PARD3B: variants seen among roughly 807,000 people sequenced by gnomAD.
The protein encoded by PARD3B is par-3 family cell polarity regulator beta, also known as partitioning defective 3 homolog B.
PARD3B carries 103 observed loss-of-function variants against 130.2 expected under a neutral mutation model. That is an observed-to-expected ratio of 0.79 (90% CI 0.67 to 0.93). PARD3B has a LOEUF of 0.93. Ranked by LOEUF, PARD3B falls within the 40% of genes least tolerant of loss-of-function variation. The pLI, the probability that PARD3B is intolerant of heterozygous loss-of-function variation, is 0.00. For synonymous variants in PARD3B, 583 were observed against 553.2 expected (o/e 1.05, Z -0.76); for missense variants, 1,609 against 1,499.2 (o/e 1.07, Z -1.21).
chr2:205,271,472 G>T (rs2040721313), intron 16 of PARD3B, among the ~76,000 whole-genome samples: 1 of 152,116 alleles, frequency 6.6e-6, no homozygotes, highest in African/African-American at 2.4e-5. Context: ...AAGTAAATAT[G>T]CCATACATAT....
At chr2:204,578,867 A>G (rs1451678195) in intron 1 of PARD3B, among the ~76,000 whole-genome samples, 1 of 152,086 alleles carries the variant, frequency 6.6e-6, no homozygotes, top group Non-Finnish European at 1.5e-5. Context: ...ATCTGGGAAG[A>G]TGAGAGTCAT....
intron 1 of PARD3B, among the ~76,000 whole-genome samples, chr2:204,574,258 A>C (rs899854644): frequency 6.6e-6 from 1 of 152,148 alleles, no homozygotes; most frequent in Non-Finnish European, 1.5e-5. Context: ...CTTTATTATC[A>C]TTTATGTTCT....
intron 2 of PARD3B, among the ~76,000 whole-genome samples, chr2:204,905,732 T>C (rs551548159): frequency 6.6e-6 from 1 of 152,312 alleles, no homozygotes; most frequent in East Asian, 1.9e-4. Context: ...GAGTGGGGGT[T>C]AAATTAGATT....
intron 5 of PARD3B, among the ~76,000 whole-genome samples, chr2:205,106,355 G>A (rs567216223): frequency 1.4e-3 from 219 of 151,962 alleles, no homozygotes; most frequent in African/African-American, 4.9e-3. Flanking sequence ...CTCCATGTTG[G>A]TCAGGCTGGT....
chr2:205,302,491 AAAAG>A lies in PARD3B; in HGVS notation c.2630+795_2630+798del, dbSNP rs565675755. Among the ~76,000 whole-genome samples the A allele has an allele frequency of 5.0e-4, 76 of 152,320 alleles. No individual in the cohort carries two copies. In the East Asian group the frequency reaches 0.014, roughly 28 times the overall value. On this transcript the variant is annotated intron_variant, in intron 18 of 22. Transcript: ENST00000406610. ...CTGCAGTGAGCTATGATTACACCAT[AAAAG>A]AAAGGCCAATACTTAGTAGAGGCAT...
intron 1 of PARD3B, among the ~76,000 whole-genome samples, chr2:204,567,415 G>A (rs1034190076): frequency 9.9e-5 from 15 of 152,014 alleles, no homozygotes; most frequent in African/African-American, 3.1e-4. Context: ...TTTACTTTCT[G>A]TCTATGAATT....
rs114290592 is a variant in PARD3B, at chr2:204,624,970, T to C, written c.121-61211T>C. Among the ~76,000 whole-genome samples, 317 of 152,290 alleles carry C rather than the reference T, an allele frequency of 2.1e-3. 1 individual carries two copies. The highest frequency in any genetic ancestry group is 6.8e-3 in the Middle Eastern group (2 of 294). On this transcript the variant is annotated intron_variant, in intron 1 of 22. Coordinates refer to ENST00000406610, the MANE Select transcript of PARD3B (RefSeq NM_001302769.2). ...TATCTCATTGTGGGTTTAGTTTACA[T>C]TTCCCTAATGGCTAGTGATGTTGAA... is the stretch of plus-strand genomic sequence containing the variant.
intron 4 of PARD3B, among the ~76,000 whole-genome samples, chr2:205,098,169 A>G (rs1702513967): frequency 6.6e-6 from 1 of 152,190 alleles, no homozygotes; most frequent in Non-Finnish European, 1.5e-5. Context: ...ACATAACCTG[A>G]TGTTCAGATC....
At chr2:205,579,865 C>T (rs2053901351) in intron 22 of PARD3B, among the ~76,000 whole-genome samples, 1 of 152,160 alleles carries the variant, frequency 6.6e-6, no homozygotes, top group Non-Finnish European at 1.5e-5. Flanking sequence ...TGGCTCTTGA[C>T]ACGTATTGCC....
rs2047915797 is a variant in PARD3B, at chr2:205,446,626, T to C, written c.3044+5954T>C. Among the ~76,000 whole-genome samples the C allele has an allele frequency of 7.1e-6, 1 of 141,112 alleles. No homozygotes were observed. Among genetic ancestry groups the C allele is most frequent in the Non-Finnish European group, 1.5e-5 (1 of 67,340 alleles). 92.6% of individuals were successfully genotyped at this position (141,112 alleles called of 152,430 possible). ...TCAAAGGTTGGCCCTGAACCTTCAG[T>C]CCATCTTAGAAAAAAAAAATTGCCT... On this transcript the variant is annotated intron_variant, in intron 20 of 22. Coordinates refer to ENST00000406610, the MANE Select transcript of PARD3B (RefSeq NM_001302769.2). This position sits in a 1 kb window ranked among gnomAD's most constrained non-coding sequence, Gnocchi z 4.4.
chr2:205,326,346 A>T (rs1335947835), intron 18 of PARD3B, among the ~76,000 whole-genome samples: 1 of 151,192 alleles, frequency 6.6e-6, no homozygotes, highest in African/African-American at 2.5e-5. Flanking sequence ...CAAAAATCTT[A>T]TTCCATTAGG....
At chr2:205,278,040 G>A (rs886348331) in intron 16 of PARD3B, among the ~76,000 whole-genome samples, 7 of 152,156 alleles carry the variant, frequency 4.6e-5, no homozygotes, top group Non-Finnish European at 1.0e-4. Context: ...ATGCTTGGAC[G>A]CGGAGGGAGG....
chr2:204,824,902 G>A (rs1327889771), intron 2 of PARD3B, among the ~76,000 whole-genome samples: 1 of 152,214 alleles, frequency 6.6e-6, no homozygotes. Flanking sequence ...TAGCAAAGGA[G>A]TGAGCCACCA....
At chr2:205,130,075 G>A (rs1051461602) in intron 10 of PARD3B, among the ~76,000 whole-genome samples, 18 of 152,166 alleles carry the variant, frequency 1.2e-4, no homozygotes, top group African/African-American at 3.9e-4. Context: ...GCTGTTTCTA[G>A]TATCTTTACC....
At position 204,881,717 on chromosome 2, in the gene PARD3B, A is replaced by G. The variant is rs775142030; in HGVS notation, c.223-83435A>G. Among the ~76,000 whole-genome samples the G allele has an allele frequency of 2.8e-4, 42 of 152,304 alleles. 2 individuals carry two copies. The South Asian group carries it at 4.8e-3, about 17-fold the overall frequency. ...CTAATGAAGGAAACTCTGAAGCTCTATGTGTCTTGGAGTAGTGGGAAAGGA... is the reference window on the plus strand; with the variant it reads ...CTAATGAAGGAAACTCTGAAGCTCTGTGTGTCTTGGAGTAGTGGGAAAGGA... On this transcript the variant is annotated intron_variant, in intron 2 of 22. Coordinates refer to ENST00000406610, the MANE Select transcript of PARD3B (RefSeq NM_001302769.2).
At chr2:205,087,407 G>A (rs924296071) in intron 4 of PARD3B, among the ~76,000 whole-genome samples, 3 of 152,126 alleles carry the variant, frequency 2.0e-5, no homozygotes, top group African/African-American at 7.2e-5. Context: ...AGGCTTAAGT[G>A]GGTCACAGGA....
intron 1 of PARD3B, among the ~76,000 whole-genome samples, chr2:204,643,216 C>T (rs545372664): frequency 1.3e-5 from 2 of 151,082 alleles, no homozygotes; most frequent in South Asian, 4.2e-4. Flanking sequence ...CACCTTCTGC[C>T]ATGATTGTAA....
At chr2:204,917,555 T>C (rs1042136571) in intron 2 of PARD3B, among the ~76,000 whole-genome samples, 1 of 152,234 alleles carries the variant, frequency 6.6e-6, no homozygotes, top group Non-Finnish European at 1.5e-5. Context: ...ATCAGGAGTT[T>C]CGTTTGGGAC....
rs1254666557 is a variant in PARD3B, at chr2:205,253,689, G to A, written c.2185+7867G>A. ...GATGAAGGTAGTAGAAGGCAAGGATGATTGGGAGTAGAAGGAAGAGTGACA... is the reference window on the plus strand; with the variant it reads ...GATGAAGGTAGTAGAAGGCAAGGATAATTGGGAGTAGAAGGAAGAGTGACA... On this transcript the variant is annotated intron_variant, in intron 16 of 22. Coordinates refer to ENST00000406610, the MANE Select transcript of PARD3B (RefSeq NM_001302769.2). This position sits in a 1 kb window ranked among gnomAD's most constrained non-coding sequence, Gnocchi z 4.4. Among the ~76,000 whole-genome samples, 2 of 152,144 alleles carry A rather than the reference G, an allele frequency of 1.3e-5. No homozygotes were observed. The highest frequency in any genetic ancestry group is 2.9e-5 in the Non-Finnish European group (2 of 68,002).
Sources: allele counts gnomAD v4.1 joint callset (sites outside exome capture counted in the v4.1 genomes callset), GRCh38; gene constraint gnomAD v4.1.1; non-coding constraint Gnocchi (gnomAD v3.1); transcripts MANE v1.5; gene names NCBI Gene and HGNC (gene_info 2026-07-23, HGNC 2026-07-21).